The following SENP1 variants were observed in gnomAD, a reference collection of about 807,000 sequenced individuals.
The protein encoded by SENP1 is SUMO specific peptidase 1.
In SENP1, 21 loss-of-function variants were observed where a neutral mutation model predicts 93.0. That is an observed-to-expected ratio of 0.23 (90% CI 0.16 to 0.33). The LOEUF (loss-of-function observed/expected upper bound fraction) is 0.33. Among genes scored for constraint, SENP1 ranks in the 10% least tolerant of loss-of-function variants. The pLI is 1.00. For missense variants in SENP1, 591 were observed against 758.7 expected, an observed-to-expected ratio of 0.78 and a Z score of 2.60; for synonymous variants, 256 against 259.6, an observed-to-expected ratio of 0.99 and a Z score of 0.13.
intron 14 of SENP1, among the ~76,000 whole-genome samples, chr12:48,048,561 T>TA (rs1348567769): frequency 1.3e-5 from 2 of 152,206 alleles, no homozygotes; most frequent in African/African-American, 2.4e-5. Flanking sequence ...CACAGAGTCA[T>TA]AAAAATATTA....
chr12:48,105,861 G>A, intron 1 of SENP1, 167 bp downstream of exon 1: 1 of 605,234 alleles, frequency 1.7e-6, no homozygotes, highest in Non-Finnish European at 2.9e-6. Flanking sequence ...ACAGCAGGGG[G>A]GAGGGGAGGT....
chr12:48,089,481 C>T lies in SENP1; in HGVS notation c.221-521G>A, dbSNP rs374672309. The stretch of plus-strand genomic sequence containing the variant: ...CCTAATTGCTGCTTATTCTGGTTGG[C>T]TTATGGCAAGGAATGACCCATCATA... On this transcript the variant is annotated intron_variant, in intron 4 of 17. Coordinates refer to ENST00000549518, the MANE Select transcript of SENP1 (RefSeq NM_001267594.2). 2.3e-4 allele frequency among the ~76,000 whole-genome samples: 35 copies of T among 152,290 alleles called. No individual in the cohort carries two copies. In the East Asian group the frequency reaches 5.2e-3, roughly 23 times the overall value.
intron 1 of SENP1, chr12:48,105,670 C>T: frequency 2.3e-6 from 1 of 433,610 alleles, no homozygotes; most frequent in Non-Finnish European, 4.3e-6. Flanking sequence ...CCAGAGAAGA[C>T]CCAGCTCTGG....
At chr12:48,105,197 A>G (rs754896884) in intron 1 of SENP1, 23 of 331,206 alleles carry the variant, frequency 6.9e-5, no homozygotes, top group South Asian at 1.4e-4. Context: ...TCCAAATATA[A>G]TAAGTGTACC....
intron 1 of SENP1, chr12:48,105,581 T>C (rs950943558): frequency 4.2e-6 from 2 of 480,732 alleles, no homozygotes; most frequent in Non-Finnish European, 8.3e-6. Flanking sequence ...AGTCAAGAAA[T>C]ATCACTCGGG....
chr12:48,104,933 G>A (rs1469347101), intron 1 of SENP1, among the ~76,000 whole-genome samples: 2 of 152,226 alleles, frequency 1.3e-5, no homozygotes, highest in African/African-American at 4.8e-5. Context: ...GGGTGGTAGA[G>A]TGTAAACTGG....
Position 48,044,125 on chromosome 12 carries a change from C to T in SENP1, c.*1197G>A, listed in dbSNP as rs1015048830. 6 of 151,542 alleles carry T rather than the reference C, an allele frequency of 4.0e-5. No individual in the cohort carries two copies. Among genetic ancestry groups the T allele is most frequent in the African/African-American group, 1.5e-4 (6 of 41,238 alleles). 9.4% of individuals were successfully genotyped at this position (151,542 alleles called of 1,614,324 possible). On this transcript the variant is annotated 3_prime_UTR_variant, in exon 18 of 18. Coordinates refer to ENST00000549518, the MANE Select transcript of SENP1 (RefSeq NM_001267594.2). ...TCAAGTTGATCAGTCCAAACTCCAC[C>T]CGTTTTTTTTTTTAGCTGAAAATAT...
chr12:48,077,521 T>C (rs1944184121), intron 6 of SENP1, among the ~76,000 whole-genome samples: 1 of 152,228 alleles, frequency 6.6e-6, no homozygotes, highest in South Asian at 2.1e-4. Flanking sequence ...GAGACTGTCC[T>C]TTCCCTTTCT....
rs371197506 is a variant in SENP1, at chr12:48,094,645, A to C, written c.220+1698T>G. Among the ~76,000 whole-genome samples the C allele has an allele frequency of 9.9e-5, 15 of 152,166 alleles. No individual in the cohort carries two copies. In the East Asian group the frequency reaches 2.1e-3, roughly 22 times the overall value. Reference sequence around the variant, plus strand: ...CAGTGAGTCAAGATCGCGCCATTACACTCTAGCCTGGGTGACAGAGCGAGA... The same window carrying C: ...CAGTGAGTCAAGATCGCGCCATTACCCTCTAGCCTGGGTGACAGAGCGAGA... On this transcript the variant is annotated intron_variant, in intron 4 of 17. Transcript: ENST00000549518.
At chr12:48,045,657 G>A (rs1421506925) in intron 17 of SENP1, among the ~76,000 whole-genome samples, 1 of 152,116 alleles carries the variant, frequency 6.6e-6, no homozygotes, top group Non-Finnish European at 1.5e-5. Flanking sequence ...TGAGAATGGT[G>A]TCTAATAAGT....
At chr12:48,079,192 G>T (rs889765280) in intron 6 of SENP1, among the ~76,000 whole-genome samples, 2 of 151,774 alleles carry the variant, frequency 1.3e-5, no homozygotes, top group African/African-American at 4.8e-5. Context: ...AGCCCTAACT[G>T]TTCTTTACTG....
intron 8 of SENP1, 74 bp downstream of exon 8, chr12:48,074,250 T>C: frequency 5.1e-6 from 6 of 1,184,144 alleles, no homozygotes; most frequent in Non-Finnish European, 7.3e-6. Flanking sequence ...TATTACAATG[T>C]TGCCTGTAAT....
intron 5 of SENP1, among the ~76,000 whole-genome samples, chr12:48,087,883 TA>T (rs1944987860): frequency 1.3e-5 from 2 of 152,312 alleles, no homozygotes; most frequent in South Asian, 4.1e-4. Context: ...TAAGTAGTCA[TA>T]AATACTATTT....
chr12:48,082,014 G>A (rs1944526312), intron 6 of SENP1, among the ~76,000 whole-genome samples: 2 of 151,958 alleles, frequency 1.3e-5, no homozygotes. Flanking sequence ...TCAGCCTCCC[G>A]AGTAGCTAGG....
chr12:48,079,057 G>A (rs1565782991), intron 6 of SENP1, among the ~76,000 whole-genome samples: 1 of 152,138 alleles, frequency 6.6e-6, no homozygotes, highest in Non-Finnish European at 1.5e-5. Context: ...AGGCAAAAGA[G>A]GGAGTATCAC....
intron 12 of SENP1, among the ~76,000 whole-genome samples, chr12:48,064,068 C>T (rs952668639): frequency 6.6e-6 from 1 of 152,172 alleles, no homozygotes; most frequent in African/African-American, 2.4e-5. Context: ...TTCAGCACAA[C>T]ATTCAGATCC....
In SENP1 at chr12:48,044,127, GT is replaced by G. The variant is rs1176469512; in HGVS notation, c.*1194del. ...AAGTTGATCAGTCCAAACTCCACCC[GT>G]TTTTTTTTTTAGCTGAAAATATCAC... On this transcript the variant is annotated 3_prime_UTR_variant, in exon 18 of 18. Transcript: ENST00000549518. The G allele has an allele frequency of 4.0e-4, 57 of 143,606 alleles. No individual in the cohort carries two copies. The highest frequency in any genetic ancestry group is 4.2e-4 in the Admixed American group (6 of 14,302). 8.9% of individuals were successfully genotyped at this position (143,606 alleles called of 1,614,324 possible). A position where few individuals can be genotyped will look rare whatever the true frequency, so the allele number is the denominator to read the frequency against.
Position 48,044,066 on chromosome 12 carries a change from TAGAA to T in SENP1, c.*1252_*1255del, listed in dbSNP as rs2136707582. The T allele has an allele frequency of 6.6e-6, 1 of 151,994 alleles. No individual in the cohort carries two copies. The highest frequency in any genetic ancestry group is 1.9e-4 in the East Asian group (1 of 5,178). 9.4% of individuals were successfully genotyped at this position (151,994 alleles called of 1,614,324 possible). ...GCTCTCAGAGGGTGGGGAGAGATGC[TAGAA>T]AGAACAAAAGGAATAGCAGTTTTTA... is the stretch of plus-strand genomic sequence containing the variant. On this transcript the variant is annotated 3_prime_UTR_variant, in exon 18 of 18. Transcript: ENST00000549518.
At chr12:48,099,174 AACATTAGCCAG>A (rs1449201587) in intron 2 of SENP1, 2 of 152,010 alleles carry the variant, frequency 1.3e-5, no homozygotes, top group East Asian at 3.9e-4. Flanking sequence ...AACAAAACAA[AACATTAGCCAG>A]ACATGGTGGT....
Sources: allele counts gnomAD v4.1 joint callset (sites outside exome capture counted in the v4.1 genomes callset), GRCh38; gene constraint gnomAD v4.1.1; transcripts MANE v1.5; gene names NCBI Gene and HGNC (gene_info 2026-07-23, HGNC 2026-07-21).